TTC39B: variants seen among roughly 807,000 people sequenced by gnomAD.
The protein encoded by TTC39B is tetratricopeptide repeat domain 39B, also known as tetratricopeptide repeat protein 39B.
Under a neutral mutation model 96.6 loss-of-function variants are expected in TTC39B, and 92 were observed. The observed-to-expected ratio is 0.95, with a 90% CI of 0.80 to 1.13. TTC39B has a LOEUF of 1.13. Ranked by LOEUF, TTC39B falls within the 50% of genes most tolerant of loss-of-function variation. The probability of loss-of-function intolerance (pLI) is 0.00; values close to 1 mark genes in which losing one functional copy is unlikely to be tolerated. For missense variants in TTC39B, 955 were observed against 809.3 expected (o/e 1.18, Z -2.18); for synonymous variants, 367 against 299.4 (o/e 1.23, Z -2.33).
intron 6 of TTC39B, among the ~76,000 whole-genome samples, chr9:15,208,214 G>C (rs982202376): frequency 6.6e-6 from 1 of 151,276 alleles, no homozygotes; most frequent in Admixed American, 6.6e-5. Flanking sequence ...TAGTAGAGAC[G>C]GGGTTTCACC....
Position 15,273,936 on chromosome 9 carries a change from C to T in TTC39B, c.241-5988G>A, listed in dbSNP as rs141334610. ...TATTAGGTTCTACGGAATACAAACA[C>T]GTGTCTACATGGCATCCACTCCTGT... On this transcript the variant is annotated intron_variant, in intron 1 of 19. Coordinates refer to ENST00000512701, the Ensembl canonical transcript of TTC39B. 5.3e-5 allele frequency among the ~76,000 whole-genome samples: 8 copies of T among 152,302 alleles called. No homozygotes were observed. The East Asian group carries it at 5.8e-4, about 11-fold the overall frequency.
Position 15,199,842 on chromosome 9 carries a change from A to C in TTC39B, c.824+19T>G. ...CAGCACAAAATTATTTACAAACCACATCTTACTTTTTAACTTACTTATATA... is the reference window on the plus strand; with the variant it reads ...CAGCACAAAATTATTTACAAACCACCTCTTACTTTTTAACTTACTTATATA... On this transcript the variant is annotated intron_variant, in intron 8 of 19. Transcript: ENST00000512701. 1 of 1,431,658 alleles carries C rather than the reference A, an allele frequency of 7.0e-7. No homozygotes were observed. Among genetic ancestry groups the C allele is most frequent in the Non-Finnish European group, 9.7e-7 (1 of 1,027,700 alleles). The allele number at this position is 1,431,658 out of a possible 1,614,324, so 88.7% of individuals were successfully genotyped here. A position where few individuals can be genotyped will look rare whatever the true frequency, so the allele number is the denominator to read the frequency against.
chr9:15,254,380 T>C (rs1386571722), intron 2 of TTC39B, among the ~76,000 whole-genome samples: 2 of 152,190 alleles, frequency 1.3e-5, no homozygotes, highest in East Asian at 1.9e-4. Context: ...TATATGAAAA[T>C]GTCTTACATC....
At chr9:15,286,666 C>T (rs1463307223) in intron 1 of TTC39B, among the ~76,000 whole-genome samples, 2 of 152,222 alleles carry the variant, frequency 1.3e-5, no homozygotes, top group Non-Finnish European at 2.9e-5. Flanking sequence ...TAGGGTGGTA[C>T]TGCCTGACTC....
At chr9:15,267,799 T>C (rs1043086750) in intron 2 of TTC39B, 115 bp downstream of exon 2, 8 of 827,292 alleles carry the variant, frequency 9.7e-6, no homozygotes, top group African/African-American at 7.0e-5. Context: ...ACTTTTTTTT[T>C]CTGAAAATAG....
At chr9:15,185,645 C>G (rs771116951) in intron 15 of TTC39B, 3 of 424,604 alleles carry the variant, frequency 7.1e-6, no homozygotes, top group Non-Finnish European at 1.3e-5. Context: ...GAGGCACACT[C>G]AAGATTGAGA....
intron 2 of TTC39B, among the ~76,000 whole-genome samples, chr9:15,227,234 G>C (rs1821172095): frequency 6.6e-6 from 1 of 151,942 alleles, no homozygotes; most frequent in African/African-American, 2.4e-5. Flanking sequence ...CTTGAACCCA[G>C]GAGGCGGAGG....
At chr9:15,203,869 C>G in exon 7 of TTC39B, 1 of 1,613,310 alleles carries the variant, frequency 6.2e-7, no homozygotes, top group Non-Finnish European at 8.5e-7. Context: ...CTCGGCATAA[C>G]AGATTTCAGC....
chr9:15,254,828 T>TACACAC (rs35980691), intron 2 of TTC39B, among the ~76,000 whole-genome samples: 18 of 143,764 alleles, frequency 1.3e-4, no homozygotes, highest in Admixed American at 3.5e-4. Context: ...CATAACTTTA[T>TACACAC]ACACACACAC....
At chr9:15,179,809 G>A (rs1818151330) in intron 17 of TTC39B, among the ~76,000 whole-genome samples, 1 of 152,208 alleles carries the variant, frequency 6.6e-6, no homozygotes, top group South Asian at 2.1e-4. Flanking sequence ...ATCATGGGAA[G>A]TTAAAATACT....
chr9:15,270,416 C>A (rs1334468513), intron 1 of TTC39B, among the ~76,000 whole-genome samples: 4 of 150,774 alleles, frequency 2.7e-5, no homozygotes, highest in Non-Finnish European at 5.9e-5. Flanking sequence ...CACTTACCAA[C>A]AATAGGGTAC....
At chr9:15,203,758 C>CA in intron 7 of TTC39B, 65 bp downstream of exon 7, 1 of 1,341,236 alleles carries the variant, frequency 7.5e-7, no homozygotes, top group Non-Finnish European at 1.0e-6. Context: ...GAATGCACCA[C>CA]ATTTTTCTAT....
At chr9:15,245,066 A>C (rs1822214966) in intron 2 of TTC39B, among the ~76,000 whole-genome samples, 1 of 152,232 alleles carries the variant, frequency 6.6e-6, no homozygotes, top group African/African-American at 2.4e-5. Context: ...AATTACAGTG[A>C]GTAGCTTATG....
intron 2 of TTC39B, among the ~76,000 whole-genome samples, chr9:15,266,146 C>A (rs958859725): frequency 4.6e-5 from 7 of 151,842 alleles, no homozygotes; most frequent in African/African-American, 1.7e-4. Flanking sequence ...ATAGAGAAAA[C>A]CTGGGTGGGG....
At chr9:15,230,284 A>G (rs1482323942) in intron 2 of TTC39B, among the ~76,000 whole-genome samples, 1 of 152,158 alleles carries the variant, frequency 6.6e-6, no homozygotes, top group Admixed American at 6.5e-5. Flanking sequence ...AATGTTTACA[A>G]TCAATGGTTT....
intron 2 of TTC39B, among the ~76,000 whole-genome samples, chr9:15,256,598 A>G (rs1822759588): frequency 6.6e-6 from 1 of 152,200 alleles, no homozygotes; most frequent in South Asian, 2.1e-4. Context: ...AAAATGAGAA[A>G]TGGAGTGATA....
At chr9:15,278,503 T>C (rs9657588) in intron 1 of TTC39B, among the ~76,000 whole-genome samples, 36,305 of 152,130 alleles carry the variant, frequency 0.24, 7,701 homozygotes, top group African/African-American at 0.57. Flanking sequence ...GTCAAGCATA[T>C]CTATCCTCTA....
At chr9:15,223,138 T>G (rs1820938365) in intron 3 of TTC39B, among the ~76,000 whole-genome samples, 1 of 152,224 alleles carries the variant, frequency 6.6e-6, no homozygotes, top group East Asian at 1.9e-4. Context: ...TTCCAAGAAT[T>G]TGAGAGTGAC....
chr9:15,270,419 T>C (rs1412252802), intron 1 of TTC39B, among the ~76,000 whole-genome samples: 1 of 151,068 alleles, frequency 6.6e-6, no homozygotes, highest in Non-Finnish European at 1.5e-5. Flanking sequence ...TTACCAACAA[T>C]AGGGTACATG....
Sources: allele counts gnomAD v4.1 joint callset (sites outside exome capture counted in the v4.1 genomes callset), GRCh38; gene constraint gnomAD v4.1.1; transcripts MANE v1.5; gene names NCBI Gene and HGNC (gene_info 2026-07-23, HGNC 2026-07-21).